ARHGAP15: variants seen among roughly 807,000 people sequenced by gnomAD.
ARHGAP15 encodes the protein Rho GTPase activating protein 15.
ARHGAP15 carries 51 observed loss-of-function variants against 63.7 expected under a neutral mutation model. The observed-to-expected ratio is 0.80, with a 90% confidence interval of 0.64 to 1.01. ARHGAP15 has a LOEUF of 1.01. ARHGAP15 is among the 50% of genes least tolerant of loss of function. ARHGAP15 has a pLI of 0.00. For synonymous variants in ARHGAP15, 191 were observed against 193.8 expected (o/e 0.99, Z 0.12); for missense variants, 560 against 564.6 (o/e 0.99, Z 0.08).
intron 6 of ARHGAP15, among the ~76,000 whole-genome samples, chr2:143,413,966 T>TGTGTGTGCGCGCGCGC: frequency 0.033 from 3,920 of 117,780 alleles, 109 homozygotes; most frequent in Non-Finnish European, 0.049. Flanking sequence ...TGTGTGTGTG[T>TGTGTGTGCGCGCGCGC]GCGCGCTCTC....
intron 6 of ARHGAP15, among the ~76,000 whole-genome samples, chr2:143,261,964 C>T (rs988576902): frequency 6.6e-6 from 1 of 152,106 alleles, no homozygotes; most frequent in African/African-American, 2.4e-5. Flanking sequence ...TTCTGGTTGC[C>T]TCTGGGTGGG....
intron 11 of ARHGAP15, among the ~76,000 whole-genome samples, chr2:143,568,453 A>G (rs1010458129): frequency 4.6e-5 from 7 of 152,234 alleles, no homozygotes; most frequent in African/African-American, 1.7e-4. Context: ...GCAAATAAAA[A>G]CCACAATGAG....
intron 4 of ARHGAP15, among the ~76,000 whole-genome samples, chr2:143,227,649 G>A (rs767632085): frequency 6.6e-5 from 10 of 152,060 alleles, no homozygotes; most frequent in Admixed American, 5.9e-4. Context: ...GTGTATTATG[G>A]TCTGCATTAA....
chr2:143,362,256 G>A (rs184924220), intron 6 of ARHGAP15, among the ~76,000 whole-genome samples: 8 of 152,202 alleles, frequency 5.3e-5, no homozygotes, highest in African/African-American at 1.4e-4. Flanking sequence ...ATTAGAATAC[G>A]AACTTCAGGT....
At chr2:143,450,047 CTT>C (rs71301730) in intron 8 of ARHGAP15, among the ~76,000 whole-genome samples, 27 of 137,044 alleles carry the variant, frequency 2.0e-4, no homozygotes, top group African/African-American at 6.0e-4. Context: ...AATAATTAAT[CTT>C]TTTTTTTTTC....
At chr2:143,209,030 C>G (rs1692464250) in intron 3 of ARHGAP15, among the ~76,000 whole-genome samples, 1 of 152,012 alleles carries the variant, frequency 6.6e-6, no homozygotes, top group Non-Finnish European at 1.5e-5. Context: ...CTTTTAGAGC[C>G]AGATATCATT....
At position 143,747,010 on chromosome 2, in the gene ARHGAP15, TTTG is replaced by T. The variant is rs377532024; in HGVS notation, c.1245-20976_1245-20974del. Among the ~76,000 whole-genome samples, 408 of 152,244 alleles carry T rather than the reference TTTG, an allele frequency of 2.7e-3. 1 individual carries two copies. The highest frequency in any genetic ancestry group is 9.1e-3 in the African/African-American group (380 of 41,546). The stretch of plus-strand genomic sequence containing the variant: ...TGCTTTATCATCTTTTAACTTTTTT[TTTG>T]TTAATAGATTTTTCAAACCAGATTT... On this transcript the variant is annotated intron_variant, in intron 13 of 13. Transcript: ENST00000295095.
intron 12 of ARHGAP15, among the ~76,000 whole-genome samples, chr2:143,686,340 C>T (rs1683340872): frequency 8.0e-6 from 1 of 124,420 alleles, no homozygotes; most frequent in Admixed American, 1.0e-4. Flanking sequence ...ACCAAGATTG[C>T]ACCACTGCAC....
chr2:143,706,366 G>C (rs538027963), intron 13 of ARHGAP15: 1 of 152,124 alleles, frequency 6.6e-6, no homozygotes, highest in African/African-American at 2.4e-5. Context: ...GTCAACCCTT[G>C]TATGTAGTGT....
chr2:143,564,725 G>A (rs1696155582), intron 11 of ARHGAP15, among the ~76,000 whole-genome samples: 1 of 152,084 alleles, frequency 6.6e-6, no homozygotes, highest in African/African-American at 2.4e-5. Context: ...ATGTAATAAT[G>A]TTCAAAAACT....
intron 6 of ARHGAP15, among the ~76,000 whole-genome samples, chr2:143,315,657 T>C (rs1683668758): frequency 6.6e-6 from 1 of 152,178 alleles, no homozygotes; most frequent in Admixed American, 6.5e-5. Context: ...TACTAATAAC[T>C]ATTACAGGAA....
chr2:143,415,743 G>C (rs544589263), intron 6 of ARHGAP15, among the ~76,000 whole-genome samples: 1 of 152,098 alleles, frequency 6.6e-6, no homozygotes, highest in Non-Finnish European at 1.5e-5. Context: ...ATTAATCAAC[G>C]AGTGGGTAAA....
intron 6 of ARHGAP15, among the ~76,000 whole-genome samples, chr2:143,388,366 TA>T (rs1188019883): frequency 2.0e-5 from 3 of 152,294 alleles, no homozygotes; most frequent in African/African-American, 7.2e-5. Context: ...AAAGAAATCT[TA>T]AAAATCCAGA....
In ARHGAP15 at chr2:143,300,518, C is replaced by A. The variant is rs540806373; in HGVS notation, c.474+49918C>A. 1.3e-4 allele frequency among the ~76,000 whole-genome samples: 20 copies of A among 152,064 alleles called. No individual in the cohort carries two copies. In the East Asian group the frequency reaches 3.9e-3, roughly 30 times the overall value. On this transcript the variant is annotated intron_variant, in intron 6 of 13. Coordinates refer to ENST00000295095, the MANE Select transcript of ARHGAP15 (RefSeq NM_018460.4). ...TGTAGAATTGCTTAACTGAAACAAA[C>A]ATTCAGACCTGGAACTCTACATTCC...
chr2:143,167,179 G>T (rs574679402), intron 2 of ARHGAP15, among the ~76,000 whole-genome samples: 5 of 152,200 alleles, frequency 3.3e-5, no homozygotes, highest in Admixed American at 3.3e-4. Context: ...ACTGAGCATT[G>T]TCCTTCAAGT....
In ARHGAP15 at chr2:143,458,569, G is replaced by A. The variant is rs562163088; in HGVS notation, c.703+21527G>A. On this transcript the variant is annotated intron_variant, in intron 8 of 13. Transcript: ENST00000295095. ...GGAAAGAAAAATCTGAAAGTTCTTCGTGTCCTTGACATTTGAAAATGGACT... is the reference window on the plus strand; with the variant it reads ...GGAAAGAAAAATCTGAAAGTTCTTCATGTCCTTGACATTTGAAAATGGACT... Among the ~76,000 whole-genome samples, 6 of 152,250 alleles carry A rather than the reference G, an allele frequency of 3.9e-5. No individual in the cohort carries two copies. In the South Asian group the frequency reaches 1.0e-3, roughly 26 times the overall value.
intron 6 of ARHGAP15, among the ~76,000 whole-genome samples, chr2:143,284,238 G>A (rs766234136): frequency 4.8e-4 from 73 of 152,316 alleles, no homozygotes; most frequent in Non-Finnish European, 4.7e-4. Flanking sequence ...GCCAGGCTCA[G>A]CTGTATGGAC....
intron 1 of ARHGAP15, among the ~76,000 whole-genome samples, chr2:143,136,522 G>C (rs1221292061): frequency 6.6e-6 from 1 of 152,018 alleles, no homozygotes; most frequent in Non-Finnish European, 1.5e-5. Context: ...AATTCAAGAA[G>C]GTTGAAGAGG....
At chr2:143,225,488 C>T (rs1354982971) in intron 4 of ARHGAP15, among the ~76,000 whole-genome samples, 8 of 152,024 alleles carry the variant, frequency 5.3e-5, no homozygotes, top group Non-Finnish European at 1.2e-4. Flanking sequence ...GTAGTCCCAG[C>T]TACTGGGGAG....
Sources: allele counts gnomAD v4.1 joint callset (sites outside exome capture counted in the v4.1 genomes callset), GRCh38; gene constraint gnomAD v4.1.1; transcripts MANE v1.5; gene names NCBI Gene and HGNC (gene_info 2026-07-23, HGNC 2026-07-21).